Variants in MED13L observed in about 807,000 individuals in gnomAD.
The protein encoded by MED13L is mediator complex subunit 13L.
MED13L carries 7 observed loss-of-function variants against 220.9 expected under a neutral mutation model. The ratio of observed to expected loss-of-function variants is 0.03; its 90% CI spans 0.02 to 0.06. MED13L has a LOEUF of 0.06. Among genes scored for constraint, MED13L ranks in the 10% least tolerant of loss-of-function variants. The pLI is 1.00. For synonymous variants in MED13L, 1,011 were observed against 1,015.2 expected, an observed-to-expected ratio of 1.00 and a Z score of 0.08; for missense variants, 1,965 against 2,760.5, an observed-to-expected ratio of 0.71 and a Z score of 6.46.
rs762975453 is a variant in MED13L at position 116,096,699 on chromosome 12, T to C, written c.449A>G (p.Tyr150Cys). ...VRIGKWFVRP[Y>C]EKDEKPVNKS... Reference sequence around the variant, plus strand: ...GTTGACTGGCTTTTCATCCTTTTCGTAGGGTCGGACAAACCATTTCCCAAT... The same window carrying C: ...GTTGACTGGCTTTTCATCCTTTTCGCAGGGTCGGACAAACCATTTCCCAAT... Residue 150 changes from tyrosine (Y) to cysteine (C), a missense_variant, in exon 4 of 31, where the codon TAC becomes TGC. This residue lies in a region of MED13L where 818 missense variants were observed against 1,041.2 expected (regional missense o/e 0.79). Coordinates refer to ENST00000281928, the MANE Select transcript of MED13L (RefSeq NM_015335.5). The C allele has an allele frequency of 5.6e-6, 9 of 1,614,050 alleles. No individual in the cohort carries two copies. In the South Asian group the frequency reaches 8.8e-5, roughly 16 times the overall value.
chr12:116,227,630 C>A (rs138594649), intron 2 of MED13L, among the ~76,000 whole-genome samples: 3 of 152,152 alleles, frequency 2.0e-5, no homozygotes, highest in East Asian at 1.9e-4. Context: ...TATAAAACAG[C>A]AGACTGAACC....
At chr12:116,092,158 C>T (rs980892567) in intron 4 of MED13L, among the ~76,000 whole-genome samples, 63 of 152,126 alleles carry the variant, frequency 4.1e-4, no homozygotes, top group African/African-American at 1.5e-3. Context: ...CAGATAGGCA[C>T]CACATGTGCA....
chr12:116,019,541 T>C, intron 6 of MED13L, 129 bp from the exon 7 acceptor site: 1 of 1,169,584 alleles, frequency 8.6e-7, no homozygotes, highest in Non-Finnish European at 1.3e-6. Flanking sequence ...GGCTCCATTC[T>C]TTCATAAGTT....
intron 2 of MED13L, among the ~76,000 whole-genome samples, chr12:116,148,087 AGTGGAGGGGGGCGGGG>A (rs1317257947): frequency 6.8e-3 from 355 of 52,158 alleles, no homozygotes; most frequent in African/African-American, 0.024. Flanking sequence ...GGGGGGCGGG[AGTGGAGGGGGGCGGGG>A]GTTCAAGCAG....
At chr12:116,139,664 C>T (rs1240274707) in intron 2 of MED13L, among the ~76,000 whole-genome samples, 5 of 152,106 alleles carry the variant, frequency 3.3e-5, no homozygotes, top group East Asian at 3.9e-4. Context: ...ACCTAGCAAA[C>T]GGTATTAACA....
intron 2 of MED13L, among the ~76,000 whole-genome samples, chr12:116,155,358 G>C (rs1016744279): frequency 6.6e-6 from 1 of 152,154 alleles, no homozygotes; most frequent in African/African-American, 2.4e-5. Context: ...AGAGGTTCCA[G>C]ACTGCAGTGA....
rs1396691718 is a variant in MED13L at position 115,983,432 on chromosome 12, G to T, written c.4640C>A (p.Pro1547His). ...AGCTGCTGATCCATTTGGAGCTAAGGGCCCAGCATTCCCTGGCGTAGCTTG... is the reference window on the plus strand; with the variant it reads ...AGCTGCTGATCCATTTGGAGCTAAGTGCCCAGCATTCCCTGGCGTAGCTTG... ...QGQATPGNAG[P>H]LAPNGSAAPP... is the part of the protein sequence containing the mutation. Residue 1547 changes from proline to histidine, a missense_variant, in exon 21 of 31, where the codon CCC becomes CAC. Pro to His is a moderately conservative substitution (Grantham distance 77). Coordinates refer to ENST00000281928, the MANE Select transcript of MED13L (RefSeq NM_015335.5). 6.2e-7 allele frequency: 1 copy of T among 1,614,206 alleles called. No individual in the cohort carries two copies. The highest frequency in any genetic ancestry group is 1.3e-5 in the African/African-American group (1 of 75,070).
At chr12:116,141,071 T>A (rs1877025797) in intron 2 of MED13L, among the ~76,000 whole-genome samples, 1 of 152,194 alleles carries the variant, frequency 6.6e-6, no homozygotes, top group Non-Finnish European at 1.5e-5. Context: ...AACAAATAAA[T>A]ATGTGTTGAA....
Position 116,256,880 on chromosome 12 carries a change from T to C in MED13L, c.73-19175A>G, listed in dbSNP as rs575059459. Among the ~76,000 whole-genome samples, 18 of 152,030 alleles carry C rather than the reference T, an allele frequency of 1.2e-4. 1 individual carries two copies. In the South Asian group the frequency reaches 3.7e-3, roughly 32 times the overall value. On this transcript the variant is annotated intron_variant, in intron 1 of 30. Coordinates refer to ENST00000281928, the MANE Select transcript of MED13L (RefSeq NM_015335.5). Reference sequence around the variant, plus strand: ...TTTGTATTTTTAGTAGAGACGAGGTTTCACCATGTTGGCCAAGATGGCCCC... The same window carrying C: ...TTTGTATTTTTAGTAGAGACGAGGTCTCACCATGTTGGCCAAGATGGCCCC...
At position 116,019,422 on chromosome 12, in the gene MED13L, A is replaced by G. The variant is rs1224078829; in HGVS notation, c.821-10T>C. 6.2e-6 allele frequency: 10 copies of G among 1,613,130 alleles called. No homozygotes were observed. Among genetic ancestry groups the G allele is most frequent in the African/African-American group, 2.7e-5 (2 of 74,902 alleles). ...ACCATCCGAACACCACCTATAAGCA[A>G]AGAGAACAAGGAAAGAATCAGGACT... On this transcript the variant is annotated splice_polypyrimidine_tract_variant and intron_variant, in intron 6 of 30. Transcript: ENST00000281928.
rs935698893 is a variant in MED13L at position 116,226,471 on chromosome 12, C to T, written c.310+10997G>A. ...AAGAAAATTATGGAACACTTACTGG[C>T]CATAATGATATTCAATGAGAATCTC... On this transcript the variant is annotated intron_variant, in intron 2 of 30. Transcript: ENST00000281928. 2.0e-5 allele frequency among the ~76,000 whole-genome samples: 3 copies of T among 152,162 alleles called. No homozygotes were observed. In the East Asian group the frequency reaches 5.8e-4, roughly 29 times the overall value.
intron 1 of MED13L, among the ~76,000 whole-genome samples, chr12:116,274,585 C>A (rs745685696): frequency 2.4e-4 from 37 of 151,474 alleles, no homozygotes; most frequent in Admixed American, 3.9e-4. Context: ...TTTTAATATT[C>A]CAGGTTGCTA....
intron 1 of MED13L, among the ~76,000 whole-genome samples, chr12:116,245,596 C>G (rs536379052): frequency 1.2e-4 from 19 of 152,066 alleles, no homozygotes; most frequent in African/African-American, 4.6e-4. Context: ...AATGGTGCAA[C>G]CATTTAAAAA....
intron 15 of MED13L, 150 bp from the exon 16 acceptor site, chr12:115,996,831 G>A (rs915228965): frequency 1.9e-6 from 2 of 1,041,640 alleles, no homozygotes; most frequent in Non-Finnish European, 2.9e-6. Flanking sequence ...ATGCAGAAAT[G>A]TTAAATCAAT....
intron 4 of MED13L, among the ~76,000 whole-genome samples, chr12:116,031,699 A>AGAAAAG (rs1555251683): frequency 1.7e-4 from 7 of 41,424 alleles, no homozygotes; most frequent in East Asian, 1.1e-3. Context: ...AGAAAAGAAA[A>AGAAAAG]GAAAAGAAAA....
intron 5 of MED13L, 152 bp downstream of exon 5, chr12:116,022,304 T>C (rs1566015431): frequency 1.1e-6 from 1 of 876,256 alleles, no homozygotes; most frequent in Non-Finnish European, 1.8e-6. Flanking sequence ...TATGAAATGG[T>C]AGTCTTTTCT....
At chr12:116,121,777 A>G (rs1875116446) in intron 2 of MED13L, among the ~76,000 whole-genome samples, 1 of 152,222 alleles carries the variant, frequency 6.6e-6, no homozygotes, top group Non-Finnish European at 1.5e-5. Flanking sequence ...TTTTTACCTC[A>G]GGCATCAAAA....
chr12:115,975,053 A>G, intron 25 of MED13L, 118 bp downstream of exon 25: 1 of 1,075,858 alleles, frequency 9.3e-7, no homozygotes, highest in East Asian at 2.5e-5. Context: ...AAAGAATCAT[A>G]AAATAGAATC....
Position 116,022,728 on chromosome 12 carries a change from G to A in MED13L, c.480-127C>T, listed in dbSNP as rs148350950. ...CAGTAAGGCTGACTTCTAATTGTGG[G>A]CAAAAGAGAAACTTCTAATTCAGTA... On this transcript the variant is annotated intron_variant, in intron 4 of 30. Coordinates refer to ENST00000281928, the MANE Select transcript of MED13L (RefSeq NM_015335.5). 1,872 of 1,000,390 alleles carry A rather than the reference G, an allele frequency of 1.9e-3. 7 individuals are homozygous for A. Among genetic ancestry groups the A allele is most frequent in the Non-Finnish European group, 2.5e-3 (1,651 of 662,434 alleles). 62.0% of individuals were successfully genotyped at this position (1,000,390 alleles called of 1,614,324 possible). A position where few individuals can be genotyped will look rare whatever the true frequency, so the allele number is the denominator to read the frequency against.
Sources: gnomAD v4.1 joint callset for allele counts (sites outside exome capture counted in the v4.1 genomes callset) on GRCh38, gnomAD v4.1.1 for gene constraint, gnomAD v4.1.1 regional missense constraint, MANE v1.5 for transcripts, NCBI Gene and HGNC (gene_info 2026-07-23, HGNC 2026-07-21) for gene names.